ANKRD11: variants seen among roughly 807,000 people sequenced by gnomAD.
The protein encoded by ANKRD11 is ankyrin repeat domain 11, also known as ankyrin repeat domain-containing protein 11.
ANKRD11 carries 17 observed loss-of-function variants against 195.7 expected under a neutral mutation model. The observed-to-expected ratio is 0.09, with a 90% CI of 0.06 to 0.13. The LOEUF is 0.13. ANKRD11 is among the 10% of genes least tolerant of loss of function. The pLI is 1.00. For synonymous variants in ANKRD11, 1,953 were observed against 1,528.1 expected (o/e 1.28, Z -6.49); for missense variants, 3,735 against 3,566.1 (o/e 1.05, Z -1.21).
At chr16:89,432,469 C>A in intron 1 of ANKRD11, among the ~76,000 whole-genome samples, 1 of 152,172 alleles carries the variant, frequency 6.6e-6, no homozygotes, top group East Asian at 1.9e-4. Context: ...TCTGAGCAAC[C>A]GCAAACACCT....
At chr16:89,339,384 G>C (rs756822326) in intron 2 of ANKRD11, among the ~76,000 whole-genome samples, 7 of 151,766 alleles carry the variant, frequency 4.6e-5, no homozygotes, top group Non-Finnish European at 8.8e-5. Context: ...AACAAACAAA[G>C]AGAAACCAAG....
chr16:89,330,594 C>T (rs917394345), intron 2 of ANKRD11, among the ~76,000 whole-genome samples: 2 of 138,590 alleles, frequency 1.4e-5, no homozygotes, highest in Non-Finnish European at 3.0e-5. Context: ...GACCTAGTAT[C>T]GGAAGCAAGG....
intron 2 of ANKRD11, among the ~76,000 whole-genome samples, chr16:89,336,483 G>C (rs547834435): frequency 6.6e-6 from 1 of 152,354 alleles, no homozygotes; most frequent in South Asian, 2.1e-4. Flanking sequence ...ACGGAGTCCA[G>C]GAGGACTCCT....
chr16:89,315,283 C>A (rs2036881845), intron 3 of ANKRD11, among the ~76,000 whole-genome samples: 1 of 152,220 alleles, frequency 6.6e-6, no homozygotes, highest in South Asian at 2.1e-4. Context: ...CCCGTGAATG[C>A]TGAGTCCCAG....
intron 2 of ANKRD11, among the ~76,000 whole-genome samples, chr16:89,345,012 G>A (rs375990440): frequency 6.6e-6 from 1 of 152,186 alleles, no homozygotes; most frequent in Non-Finnish European, 1.5e-5. Context: ...GCGCAGATGA[G>A]GCAGGAGGAA....
chr16:89,274,684 T>G (rs2033487297), intron 11 of ANKRD11, 130 bp downstream of exon 11: 2 of 1,361,966 alleles, frequency 1.5e-6, no homozygotes, highest in East Asian at 4.6e-5. Flanking sequence ...TGCAAAGGAC[T>G]CTGTAGCCCC....
chr16:89,474,571 T>G (rs555975719), intron 1 of ANKRD11, among the ~76,000 whole-genome samples: 1 of 152,264 alleles, frequency 6.6e-6, no homozygotes, highest in Admixed American at 6.5e-5. Flanking sequence ...AATGACTGGT[T>G]GCCAGAAAGG....
At chr16:89,458,021 T>C (rs2056511422) in intron 1 of ANKRD11, among the ~76,000 whole-genome samples, 1 of 151,980 alleles carries the variant, frequency 6.6e-6, no homozygotes, top group South Asian at 2.1e-4. Context: ...ACCTGGGGAC[T>C]GGAGACCGCA....
At chr16:89,289,800 G>C (rs775346107) in intron 6 of ANKRD11, among the ~76,000 whole-genome samples, 1 of 152,216 alleles carries the variant, frequency 6.6e-6, no homozygotes, top group Non-Finnish European at 1.5e-5. Context: ...CAGCACTTTG[G>C]GAAGCCAAGG....
intron 2 of ANKRD11, among the ~76,000 whole-genome samples, chr16:89,337,341 T>A (rs1287161602): frequency 1.3e-5 from 2 of 150,942 alleles, no homozygotes; most frequent in African/African-American, 4.9e-5. Context: ...AGCTGAGCAC[T>A]GGGTCTCATT....
At chr16:89,367,127 T>G (rs2152071139) in intron 2 of ANKRD11, among the ~76,000 whole-genome samples, 1 of 151,504 alleles carries the variant, frequency 6.6e-6, no homozygotes, top group Admixed American at 6.6e-5. Flanking sequence ...CTACCTCAAC[T>G]CTCCACCCCG....
At chr16:89,431,762 C>T (rs1402800448) in intron 1 of ANKRD11, among the ~76,000 whole-genome samples, 2 of 152,172 alleles carry the variant, frequency 1.3e-5, no homozygotes, top group African/African-American at 4.8e-5. Context: ...ACTGAACCCA[C>T]TGCAACAATG....
rs561080634 is a variant in ANKRD11, at chr16:89,440,228, C to T, written c.-144-21860G>A. ...TCAGTGTGCTGTAATTAGAAATGAACATTTTATCAATATGTTCACGTAAAA... is the reference window on the plus strand; with the variant it reads ...TCAGTGTGCTGTAATTAGAAATGAATATTTTATCAATATGTTCACGTAAAA... On this transcript the variant is annotated intron_variant, in intron 1 of 12. Coordinates refer to ENST00000301030, the MANE Select transcript of ANKRD11 (RefSeq NM_013275.6). Among the ~76,000 whole-genome samples, 6 of 152,316 alleles carry T rather than the reference C, an allele frequency of 3.9e-5. No homozygotes were observed. The South Asian group carries it at 8.3e-4, about 21-fold the overall frequency.
chr16:89,342,717 A>G (rs1257787117), intron 2 of ANKRD11, among the ~76,000 whole-genome samples: 2 of 152,244 alleles, frequency 1.3e-5, no homozygotes. Context: ...GCCCTACAGA[A>G]TTACTTCTCA....
chr16:89,404,943 G>C (rs2041847239), intron 2 of ANKRD11, among the ~76,000 whole-genome samples: 1 of 152,228 alleles, frequency 6.6e-6, no homozygotes, highest in Non-Finnish European at 1.5e-5. Context: ...CGTGTCCACA[G>C]ACCACCATAA....
At chr16:89,372,442 G>C (rs992075982) in intron 2 of ANKRD11, among the ~76,000 whole-genome samples, 1 of 152,174 alleles carries the variant, frequency 6.6e-6, no homozygotes, top group Non-Finnish European at 1.5e-5. Flanking sequence ...AGTGAGAGGC[G>C]GCTCAGGGCA....
At chr16:89,486,523 G>A (rs1220617007) in intron 1 of ANKRD11, among the ~76,000 whole-genome samples, 1 of 152,010 alleles carries the variant, frequency 6.6e-6, no homozygotes, top group Non-Finnish European at 1.5e-5. Context: ...AGTTATCTTG[G>A]AGTTTGGGGG....
At chr16:89,419,363 G>C (rs1277247310) in intron 1 of ANKRD11, among the ~76,000 whole-genome samples, 1 of 151,156 alleles carries the variant, frequency 6.6e-6, no homozygotes, top group Non-Finnish European at 1.5e-5. Flanking sequence ...TGGGGCAGGT[G>C]AATCACTTGA....
At chr16:89,475,718 T>C (rs11643561) in intron 1 of ANKRD11, among the ~76,000 whole-genome samples, 20,144 of 152,002 alleles carry the variant, frequency 0.13, 1,699 homozygotes, top group Middle Eastern at 0.2. Flanking sequence ...AAACACAAAA[T>C]GCTCTCCCAA....
Sources: allele counts gnomAD v4.1 joint callset (sites outside exome capture counted in the v4.1 genomes callset), GRCh38; gene constraint gnomAD v4.1.1; transcripts MANE v1.5; gene names NCBI Gene and HGNC (gene_info 2026-07-23, HGNC 2026-07-21).